The following STAU1 variants were observed in gnomAD, a reference collection of about 807,000 sequenced individuals.
STAU1 encodes the protein staufen double-stranded RNA binding protein 1.
STAU1 carries 13 observed loss-of-function variants against 62.9 expected under a neutral mutation model. The observed-to-expected ratio is 0.21, with a 90% CI of 0.13 to 0.33. The LOEUF is 0.33. STAU1 is among the 10% of genes least tolerant of loss of function. The pLI is 1.00. For missense variants in STAU1, 571 were observed against 712.1 expected, an observed-to-expected ratio of 0.80 and a Z score of 2.25; for synonymous variants, 269 against 265.1, an observed-to-expected ratio of 1.01 and a Z score of -0.14.
chr20:49,125,704 C>T (rs184400534), intron 6 of STAU1, among the ~76,000 whole-genome samples: 6 of 151,868 alleles, frequency 4.0e-5, no homozygotes, highest in East Asian at 1.9e-4. Flanking sequence ...AAAAATTAGC[C>T]GGGCGTGGTG....
chr20:49,136,549 G>A (rs908154484), intron 5 of STAU1, among the ~76,000 whole-genome samples: 1 of 152,200 alleles, frequency 6.6e-6, no homozygotes, highest in Non-Finnish European at 1.5e-5. Context: ...CTGCTGCTCG[G>A]AACAGTGACT....
chr20:49,187,671 C>T (rs348289), intron 1 of STAU1, among the ~76,000 whole-genome samples: 129,790 of 151,700 alleles, frequency 0.86, 55,973 homozygotes, highest in African/African-American at 0.93. Flanking sequence ...GAGCCGGGTT[C>T]GGCACCCGTT....
In STAU1 at chr20:49,117,098, C is replaced by T. The variant is rs1302858317; in HGVS notation, c.1632+28G>A. 6.2e-7 allele frequency: 1 copy of T among 1,612,886 alleles called. No homozygotes were observed. The highest frequency in any genetic ancestry group is 2.2e-5 in the East Asian group (1 of 44,874). On this transcript the variant is annotated intron_variant, in intron 12 of 13. Coordinates refer to ENST00000371856, the MANE Select transcript of STAU1 (RefSeq NM_017453.4). This position sits in a 1 kb window ranked among gnomAD's most constrained non-coding sequence, Gnocchi z 4.6. The stretch of plus-strand genomic sequence containing the variant: ...AGGCTCCACATAAACACACAACACC[C>T]CAATCCCTCACCCAAGGTGTGACGT...
rs531863263 is a variant in STAU1 at position 49,125,058 on chromosome 20, C to T, written c.610-471G>A. Among the ~76,000 whole-genome samples, 10 of 127,214 alleles carry T rather than the reference C, an allele frequency of 7.9e-5. 1 individual carries two copies. Among genetic ancestry groups the T allele is most frequent in the Non-Finnish European group, 9.7e-5 (6 of 61,878 alleles). The allele number at this position is 127,214 out of a possible 152,430, so 83.5% of individuals were successfully genotyped here. A position where few individuals can be genotyped will look rare whatever the true frequency, so the allele number is the denominator to read the frequency against. On this transcript the variant is annotated intron_variant, in intron 6 of 13. Transcript: ENST00000371856. ...TAAGCACTGATAAAGAGGGATTCCC[C>T]GCACACATTAAGTAAAAAAAAAAAA...
chr20:49,117,753 T>A lies in STAU1; in HGVS notation c.1509+24A>T. The A allele has an allele frequency of 6.3e-7, 1 of 1,582,014 alleles. No homozygotes were observed. The highest frequency in any genetic ancestry group is 8.6e-7 in the Non-Finnish European group (1 of 1,164,194). On this transcript the variant is annotated intron_variant, in intron 11 of 13. Transcript: ENST00000371856. The surrounding 1 kb of genome is among the most constrained non-coding windows in gnomAD (Gnocchi z 4.6). ...AGATGACTGTCCTGAGGCACAGCCATCACAGCTCAGGCCAGACAGTTACCT... is the reference window on the plus strand; with the variant it reads ...AGATGACTGTCCTGAGGCACAGCCAACACAGCTCAGGCCAGACAGTTACCT...
chr20:49,192,333 G>A (rs1278994105), upstream of STAU1, among the ~76,000 whole-genome samples: 2 of 138,242 alleles, frequency 1.4e-5, no homozygotes, highest in Non-Finnish European at 3.1e-5. Context: ...GAAACAGAGC[G>A]AGACTCCATC....
intron 1 of STAU1, among the ~76,000 whole-genome samples, chr20:49,176,329 C>G (rs1473045041): frequency 6.6e-6 from 1 of 152,108 alleles, no homozygotes; most frequent in Non-Finnish European, 1.5e-5. Flanking sequence ...CTAATAAGTC[C>G]AAATCATAAT....
the STAU1 span, among the ~76,000 whole-genome samples, chr20:49,195,598 A>G: frequency 2.7e-5 from 4 of 147,834 alleles, no homozygotes; most frequent in South Asian, 6.6e-4. Flanking sequence ...GGAAAAACAA[A>G]TGGTTCTTAG....
At chr20:49,159,407 A>C (rs1158264905) in intron 3 of STAU1, among the ~76,000 whole-genome samples, 1 of 152,226 alleles carries the variant, frequency 6.6e-6, no homozygotes, top group East Asian at 1.9e-4. Context: ...ACACACAGCC[A>C]AACTACCTAA....
intron 5 of STAU1, among the ~76,000 whole-genome samples, chr20:49,149,884 C>T (rs1325796923): frequency 6.6e-6 from 1 of 152,032 alleles, no homozygotes; most frequent in Non-Finnish European, 1.5e-5. Flanking sequence ...AGGCACCCTG[C>T]CCAAGGTCCA....
intron 3 of STAU1, chr20:49,159,119 T>A: frequency 9.0e-7 from 1 of 1,109,602 alleles, no homozygotes; most frequent in Non-Finnish European, 1.1e-6. Context: ...GGTGATTGTC[T>A]CATGGATAAA....
intron 7 of STAU1, 55 bp downstream of exon 7, chr20:49,124,320 C>T: frequency 1.9e-6 from 3 of 1,570,924 alleles, no homozygotes; most frequent in Non-Finnish European, 1.7e-6. Context: ...CCTTCTAAAC[C>T]CCCCACCCAT....
At chr20:49,168,133 T>C (rs1266391117) in intron 2 of STAU1, among the ~76,000 whole-genome samples, 4 of 150,832 alleles carry the variant, frequency 2.7e-5, no homozygotes, top group African/African-American at 9.8e-5. Context: ...CAGGCTGGAG[T>C]GCAGTGTTGC....
intron 8 of STAU1, among the ~76,000 whole-genome samples, chr20:49,122,809 C>T (rs751712346): frequency 2.6e-5 from 4 of 151,992 alleles, no homozygotes; most frequent in African/African-American, 4.8e-5. Context: ...CCCAGCTACT[C>T]GGGAGGCTGA....
intron 3 of STAU1, among the ~76,000 whole-genome samples, chr20:49,156,514 C>T (rs929452882): frequency 2.0e-5 from 3 of 152,104 alleles, no homozygotes; most frequent in Non-Finnish European, 4.4e-5. Flanking sequence ...ATGCATAAGA[C>T]CTGGATTCCT....
intron 1 of STAU1, among the ~76,000 whole-genome samples, chr20:49,187,205 C>G (rs370624472): frequency 6.6e-6 from 1 of 152,128 alleles, no homozygotes; most frequent in Non-Finnish European, 1.5e-5. Context: ...CAAGAAGAAG[C>G]TGGATGATGG....
intron 9 of STAU1, 99 bp from the exon 10 acceptor site, chr20:49,118,507 A>G (rs1343785695): frequency 3.2e-6 from 3 of 944,254 alleles, no homozygotes; most frequent in East Asian, 5.2e-5. Context: ...CCAGTCAGCA[A>G]TAACTGTGGC....
chr20:49,148,098 T>C (rs1315852641), intron 5 of STAU1, among the ~76,000 whole-genome samples: 1 of 152,210 alleles, frequency 6.6e-6, no homozygotes, highest in Admixed American at 6.5e-5. Flanking sequence ...CCCTACTGCC[T>C]GCTATCAGAG....
Position 49,120,025 on chromosome 20 carries a change from G to A in STAU1, c.1070C>T (p.Pro357Leu), listed in dbSNP as rs779218078. 10 of 1,614,016 alleles carry A rather than the reference G, an allele frequency of 6.2e-6. No homozygotes were observed. Among genetic ancestry groups the A allele is most frequent in the Admixed American group, 5.0e-5 (3 of 60,000 alleles). Residue 357 changes from proline to leucine, a missense_variant, in exon 9 of 14, where the codon CCG becomes CTG. This residue lies in a region of STAU1 where 414 missense variants were observed against 499.6 expected (regional missense o/e 0.83). Transcript: ENST00000371856. Reference sequence around the variant, plus strand: ...TGCGGGTTTGGTGGGCTGCGCCTGCGGGACTTTGAAACCAAGGATCTCCAG... The same window carrying A: ...TGCGGGTTTGGTGGGCTGCGCCTGCAGGACTTTGAAACCAAGGATCTCCAG... The part of the protein sequence containing the change: ...NMLEILGFKV[P>L]QAQPTKPALK...
Sources: allele counts gnomAD v4.1 joint callset (sites outside exome capture counted in the v4.1 genomes callset), GRCh38; gene constraint gnomAD v4.1.1; regional missense constraint gnomAD v4.1.1; non-coding constraint Gnocchi (gnomAD v3.1); transcripts MANE v1.5; gene names NCBI Gene and HGNC (gene_info 2026-07-23, HGNC 2026-07-21).